The following KLHL14 variants were observed in gnomAD, a reference collection of about 807,000 sequenced individuals.
The protein encoded by KLHL14 is kelch-like protein 14.
Under a neutral mutation model 64.3 loss-of-function variants are expected in KLHL14, and 22 were observed. The observed-to-expected ratio is 0.34, with a 90% CI of 0.24 to 0.49. The LOEUF is 0.49. Among genes scored for constraint, KLHL14 ranks in the 20% least tolerant of loss-of-function variants. The pLI, the probability that KLHL14 is intolerant of heterozygous loss-of-function variation, is 0.99. For synonymous variants in KLHL14, 322 were observed against 333.4 expected, an observed-to-expected ratio of 0.97 and a Z score of 0.37; for missense variants, 661 against 789.0, an observed-to-expected ratio of 0.84 and a Z score of 1.94.
At chr18:32,731,340 T>A (rs141995472) in intron 3 of KLHL14, among the ~76,000 whole-genome samples, 21 of 152,366 alleles carry the variant, frequency 1.4e-4, no homozygotes, top group Non-Finnish European at 2.6e-4. Flanking sequence ...TGTTGTCATG[T>A]TGAGAGTCAT....
intron 3 of KLHL14, chr18:32,737,313 T>C (rs2050171314): frequency 6.6e-6 from 1 of 152,142 alleles, no homozygotes; most frequent in South Asian, 2.1e-4. Flanking sequence ...GATTATTAGG[T>C]TTTGACTAAT....
chr18:32,682,250 T>G (rs942242450), intron 5 of KLHL14, among the ~76,000 whole-genome samples: 1 of 152,220 alleles, frequency 6.6e-6, no homozygotes, highest in Non-Finnish European at 1.5e-5. Context: ...ATAGATATCA[T>G]TGATAATTTT....
At chr18:32,687,684 C>T (rs190168277) in intron 4 of KLHL14, among the ~76,000 whole-genome samples, 31 of 152,298 alleles carry the variant, frequency 2.0e-4, no homozygotes, top group Admixed American at 1.8e-3. Context: ...AAACTTCTTA[C>T]ATCTTCTTTC....
intron 3 of KLHL14, among the ~76,000 whole-genome samples, chr18:32,737,197 G>A (rs1458758558): frequency 2.0e-5 from 3 of 152,070 alleles, no homozygotes; most frequent in African/African-American, 7.2e-5. Context: ...TGGTTTGTGG[G>A]TTTTAGTTCT....
At chr18:32,720,034 T>C (rs1003441811) in intron 3 of KLHL14, among the ~76,000 whole-genome samples, 1 of 152,330 alleles carries the variant, frequency 6.6e-6, no homozygotes, top group South Asian at 2.1e-4. Context: ...CAAAGCATAA[T>C]TGTGTGTAGA....
chr18:32,769,417 C>T (rs2050364515), intron 2 of KLHL14, among the ~76,000 whole-genome samples: 1 of 152,166 alleles, frequency 6.6e-6, no homozygotes, highest in Admixed American at 6.5e-5. Flanking sequence ...TCTAGAACCT[C>T]GGCTTTGGAG....
At position 32,680,088 on chromosome 18, in the gene KLHL14, A is replaced by G. The variant is rs970424787; in HGVS notation, c.1588+81T>C. On this transcript the variant is annotated intron_variant, in intron 7 of 8. Transcript: ENST00000359358. This position sits in a 1 kb window ranked among gnomAD's most constrained non-coding sequence, Gnocchi z 4.8. ...GTTTTTTACTTGGTTAACTATGATT[A>G]TCTAAGGAGAAACCCCCTTAGCGAG... 2.3e-5 allele frequency: 31 copies of G among 1,367,394 alleles called. No individual in the cohort carries two copies. The highest frequency in any genetic ancestry group is 4.4e-5 in the African/African-American group (3 of 68,796). The allele number at this position is 1,367,394 out of a possible 1,614,324, so 84.7% of individuals were successfully genotyped here. A position where few individuals can be genotyped will look rare whatever the true frequency, so the allele number is the denominator to read the frequency against.
intron 3 of KLHL14, among the ~76,000 whole-genome samples, chr18:32,706,566 A>AC (rs1254591332): frequency 1.3e-5 from 2 of 152,160 alleles, no homozygotes; most frequent in Non-Finnish European, 2.9e-5. Context: ...ATAGGCTGAG[A>AC]CCCTGGTGCT....
chr18:32,755,563 T>A (rs565072888), intron 2 of KLHL14, among the ~76,000 whole-genome samples: 113 of 152,328 alleles, frequency 7.4e-4, no homozygotes, highest in African/African-American at 2.4e-3. Flanking sequence ...CCCCATTTTT[T>A]AAGAAATCAC....
At position 32,733,377 on chromosome 18, in the gene KLHL14, AAGAG is replaced by A. The variant is rs1364000981; in HGVS notation, c.1069+8547_1069+8550del. On this transcript the variant is annotated intron_variant, in intron 3 of 8. Transcript: ENST00000359358. Reference sequence around the variant, plus strand: ...TGTGTGAGAGAGACAGAGAGAGAGAAAGAGAGAGAAAGGAGAGAGAGAGAGAGAG... The same window carrying A: ...TGTGTGAGAGAGACAGAGAGAGAGAAAGAGAAAGGAGAGAGAGAGAGAGAG... 1.8e-4 allele frequency among the ~76,000 whole-genome samples: 26 copies of A among 145,116 alleles called. No homozygotes were observed. The East Asian group carries it at 3.1e-3, about 18-fold the overall frequency.
chr18:32,711,657 G>C (rs1327156295), intron 3 of KLHL14, among the ~76,000 whole-genome samples: 1 of 152,162 alleles, frequency 6.6e-6, no homozygotes, highest in Non-Finnish European at 1.5e-5. Context: ...AAGAGTATCT[G>C]AGCATCAAGG....
At chr18:32,688,536 C>T (rs2049891143) in intron 4 of KLHL14, among the ~76,000 whole-genome samples, 1 of 152,194 alleles carries the variant, frequency 6.6e-6, no homozygotes, top group Admixed American at 6.5e-5. Flanking sequence ...GTCACCTGCT[C>T]ACAGATGTCT....
chr18:32,678,064 G>T (rs2144463304), intron 7 of KLHL14, among the ~76,000 whole-genome samples: 1 of 152,194 alleles, frequency 6.6e-6, no homozygotes, highest in South Asian at 2.1e-4. Context: ...TAGAGTAGAA[G>T]GCTGAGTAAC....
At chr18:32,685,801 C>A (rs548558106) in intron 5 of KLHL14, among the ~76,000 whole-genome samples, 4 of 152,178 alleles carry the variant, frequency 2.6e-5, no homozygotes, top group Admixed American at 2.6e-4. Flanking sequence ...TTCATTAGAG[C>A]ATAGATTCAT....
At chr18:32,709,791 G>A (rs937733899) in intron 3 of KLHL14, among the ~76,000 whole-genome samples, 3 of 152,184 alleles carry the variant, frequency 2.0e-5, no homozygotes, top group African/African-American at 7.2e-5. Flanking sequence ...CATAGTGGAT[G>A]CCCAATAAGT....
intron 3 of KLHL14, among the ~76,000 whole-genome samples, chr18:32,700,427 C>T (rs34785199): frequency 0.023 from 3,455 of 152,216 alleles, 81 homozygotes; most frequent in Admixed American, 0.053. Flanking sequence ...TTACCCTCGG[C>T]CCACCCTCAG....
intron 4 of KLHL14, among the ~76,000 whole-genome samples, chr18:32,695,130 A>G (rs919414449): frequency 1.3e-5 from 2 of 152,118 alleles, no homozygotes; most frequent in African/African-American, 4.8e-5. Context: ...GATGGTGAGG[A>G]TTCTTAACAG....
chr18:32,684,784 A>G (rs769301824), intron 5 of KLHL14, among the ~76,000 whole-genome samples: 1 of 152,214 alleles, frequency 6.6e-6, no homozygotes, highest in Non-Finnish European at 1.5e-5. Context: ...AGTGTCTCAT[A>G]TATTTCTAGA....
chr18:32,699,451 A>G (rs2049952738), intron 3 of KLHL14, among the ~76,000 whole-genome samples: 1 of 152,194 alleles, frequency 6.6e-6, no homozygotes, highest in African/African-American at 2.4e-5. Context: ...CTTTCATTTA[A>G]TACAACTAAT....
Sources: allele counts gnomAD v4.1 joint callset (sites outside exome capture counted in the v4.1 genomes callset), GRCh38; gene constraint gnomAD v4.1.1; non-coding constraint Gnocchi (gnomAD v3.1); transcripts MANE v1.5; gene names NCBI Gene and HGNC (gene_info 2026-07-23, HGNC 2026-07-21).